THEMIS: variants seen among roughly 807,000 people sequenced by gnomAD.
THEMIS encodes the protein protein THEMIS.
Under a neutral mutation model 52.6 loss-of-function variants are expected in THEMIS, and 37 were observed. That is an observed-to-expected ratio of 0.70 (90% confidence interval 0.54 to 0.93). The LOEUF (loss-of-function observed/expected upper bound fraction) is 0.93. Among genes scored for constraint, THEMIS ranks in the 40% least tolerant of loss-of-function variants. THEMIS has a pLI of 0.00. For missense variants in THEMIS, 808 were observed against 763.1 expected (o/e 1.06, Z -0.69); for synonymous variants, 292 against 272.7 (o/e 1.07, Z -0.70).
chr6:127,725,200 A>T (rs926925585), intron 4 of THEMIS, among the ~76,000 whole-genome samples: 2 of 152,164 alleles, frequency 1.3e-5, no homozygotes, highest in Non-Finnish European at 2.9e-5. Context: ...TTTTCACTTC[A>T]GAAAGTACAC....
chr6:127,801,707 G>C (rs1004539980), intron 4 of THEMIS, among the ~76,000 whole-genome samples: 1 of 152,126 alleles, frequency 6.6e-6, no homozygotes, highest in African/African-American at 2.4e-5. Flanking sequence ...TGAGGCAACG[G>C]TGATGGCCTC....
chr6:127,867,214 T>C (rs1780010296), intron 1 of THEMIS, among the ~76,000 whole-genome samples: 2 of 152,048 alleles, frequency 1.3e-5, no homozygotes, highest in Admixed American at 1.3e-4. Flanking sequence ...ACTGATATGT[T>C]TGATTATTTG....
intron 1 of THEMIS, among the ~76,000 whole-genome samples, chr6:127,885,074 T>C (rs1171451530): frequency 6.6e-6 from 1 of 152,102 alleles, no homozygotes; most frequent in Non-Finnish European, 1.5e-5. Context: ...AACATATAAA[T>C]TGGAGTGGGG....
At chr6:127,858,857 C>A (rs1779704349) in intron 1 of THEMIS, among the ~76,000 whole-genome samples, 1 of 152,046 alleles carries the variant, frequency 6.6e-6, no homozygotes, top group Non-Finnish European at 1.5e-5. Flanking sequence ...AACAAAGCAG[C>A]CTGTTTTCAG....
chr6:127,816,307 G>T (rs1778132922), intron 3 of THEMIS, among the ~76,000 whole-genome samples: 1 of 151,968 alleles, frequency 6.6e-6, no homozygotes, highest in South Asian at 2.1e-4. Flanking sequence ...ATCTTAAGTG[G>T]TCTCATGTCT....
intron 4 of THEMIS, among the ~76,000 whole-genome samples, chr6:127,728,795 TG>T (rs1774642066): frequency 6.6e-6 from 1 of 151,850 alleles, no homozygotes; most frequent in African/African-American, 2.4e-5. Flanking sequence ...ATGAGTTCAA[TG>T]GAAAAAAATG....
downstream of THEMIS, among the ~76,000 whole-genome samples, chr6:127,707,547 A>G (rs1034435873): frequency 1.3e-5 from 2 of 152,184 alleles, no homozygotes; most frequent in African/African-American, 4.8e-5. Flanking sequence ...AGTTTGGACC[A>G]CAGCAGTAGA....
At chr6:127,860,821 C>T (rs893931158) in intron 1 of THEMIS, among the ~76,000 whole-genome samples, 7 of 152,060 alleles carry the variant, frequency 4.6e-5, no homozygotes, top group South Asian at 4.1e-4. Context: ...ATCACTGTTT[C>T]GTGCATTAGC....
rs544916142 is a variant in THEMIS, at chr6:127,776,919, C to T, written c.1758+35964G>A. ...TTGATCATTATTGTTATAAAATTTC[C>T]GCCTTTATATCTGGTAATATTCCTT... On this transcript the variant is annotated intron_variant, in intron 4 of 5. Transcript: ENST00000368248. Among the ~76,000 whole-genome samples the T allele has an allele frequency of 6.2e-4, 95 of 152,042 alleles. 3 individuals carry two copies. The South Asian group carries it at 0.019, about 30-fold the overall frequency.
Position 127,717,141 on chromosome 6 carries a change from C to A in THEMIS, c.1894+2547G>T, listed in dbSNP as rs150580108. Among the ~76,000 whole-genome samples, 18 of 151,806 alleles carry A rather than the reference C, an allele frequency of 1.2e-4. No individual in the cohort carries two copies. In the East Asian group the frequency reaches 2.7e-3, roughly 23 times the overall value. ...TCAGTAGTTAATTATTATAGCCTGACTTCATTGTAGCTTATTATGTACTCT... is the reference window on the plus strand; with the variant it reads ...TCAGTAGTTAATTATTATAGCCTGAATTCATTGTAGCTTATTATGTACTCT... On this transcript the variant is annotated intron_variant, in intron 5 of 5. Transcript: ENST00000368248.
intron 1 of THEMIS, among the ~76,000 whole-genome samples, chr6:127,871,309 A>G (rs1424859500): frequency 6.6e-6 from 1 of 152,048 alleles, no homozygotes; most frequent in African/African-American, 2.4e-5. Context: ...ATACACATAC[A>G]TATATTTATA....
intron 5 of THEMIS, among the ~76,000 whole-genome samples, chr6:127,716,836 C>T (rs1774182198): frequency 6.6e-6 from 1 of 151,750 alleles, no homozygotes; most frequent in Admixed American, 6.6e-5. Flanking sequence ...GGAAAGAGTC[C>T]ATTAGAGAGC....
chr6:127,818,934 A>G (rs975442199), intron 3 of THEMIS, among the ~76,000 whole-genome samples: 13 of 152,030 alleles, frequency 8.6e-5, no homozygotes, highest in Admixed American at 4.6e-4. Context: ...CCTGGCTAAC[A>G]TGGTGAAACC....
intron 1 of THEMIS, among the ~76,000 whole-genome samples, chr6:127,879,780 G>A (rs1780423080): frequency 6.6e-6 from 1 of 152,024 alleles, no homozygotes; most frequent in Non-Finnish European, 1.5e-5. Context: ...CTGGCCTTCC[G>A]TGAGCTGGAG....
intron 4 of THEMIS, among the ~76,000 whole-genome samples, chr6:127,800,162 G>T (rs1056696418): frequency 6.6e-6 from 1 of 152,118 alleles, no homozygotes; most frequent in Non-Finnish European, 1.5e-5. Context: ...CACTAGTTTT[G>T]TATGAGGACT....
chr6:127,794,631 T>C (rs1198907003), intron 4 of THEMIS, among the ~76,000 whole-genome samples: 1 of 152,220 alleles, frequency 6.6e-6, no homozygotes, highest in African/African-American at 2.4e-5. Flanking sequence ...AGTCCTGCCT[T>C]AATGTGTTTA....
chr6:127,791,435 A>T (rs1777152313), intron 4 of THEMIS, among the ~76,000 whole-genome samples: 1 of 152,162 alleles, frequency 6.6e-6, no homozygotes, highest in Non-Finnish European at 1.5e-5. Flanking sequence ...CATCTGCTCA[A>T]GTCTGGCTGA....
At chr6:127,842,488 T>C (rs1012521755) in intron 2 of THEMIS, among the ~76,000 whole-genome samples, 2 of 152,068 alleles carry the variant, frequency 1.3e-5, no homozygotes, top group African/African-American at 4.8e-5. Flanking sequence ...GTTATTTTAA[T>C]ACTTTTCTGA....
intron 2 of THEMIS, among the ~76,000 whole-genome samples, chr6:127,842,257 A>G (rs1237864582): frequency 2.0e-5 from 3 of 152,050 alleles, no homozygotes; most frequent in Non-Finnish European, 4.4e-5. Context: ...GTAGATGAAA[A>G]TACAATGAAT....
Sources: allele counts gnomAD v4.1 joint callset (sites outside exome capture counted in the v4.1 genomes callset), GRCh38; gene constraint gnomAD v4.1.1; transcripts MANE v1.5; gene names NCBI Gene and HGNC (gene_info 2026-07-23, HGNC 2026-07-21).